ITPK1: variants seen among roughly 807,000 people sequenced by gnomAD.
The protein encoded by ITPK1 is inositol 1,3,4-trisphosphate 5/6-kinase.
In ITPK1, 21 loss-of-function variants were observed where a neutral mutation model predicts 45.3. The observed-to-expected ratio is 0.46, with a 90% CI of 0.33 to 0.67. The LOEUF is 0.67. Ranked by LOEUF, ITPK1 falls within the 30% of genes least tolerant of loss-of-function variation. The probability of loss-of-function intolerance (pLI) is 0.02; values close to 1 mark genes in which losing one functional copy is unlikely to be tolerated. For synonymous variants in ITPK1, 258 were observed against 253.6 expected (o/e 1.02, Z -0.16); for missense variants, 474 against 573.5 (o/e 0.83, Z 1.77).
intron 5 of ITPK1, among the ~76,000 whole-genome samples, chr14:92,969,758 A>G (rs1885556898): frequency 6.6e-6 from 1 of 151,896 alleles, no homozygotes; most frequent in Non-Finnish European, 1.5e-5. Context: ...GAAAAAGGCG[A>G]CTGTTGCTTA....
intron 3 of ITPK1, among the ~76,000 whole-genome samples, chr14:93,027,518 G>A (rs1159321148): frequency 6.6e-6 from 1 of 152,132 alleles, no homozygotes; most frequent in East Asian, 1.9e-4. Context: ...CATCCACACA[G>A]CTAATGATGA....
intron 2 of ITPK1, among the ~76,000 whole-genome samples, chr14:93,109,330 G>A (rs1265075548): frequency 2.0e-5 from 3 of 152,190 alleles, no homozygotes; most frequent in South Asian, 2.1e-4. Context: ...ACGTGCACGC[G>A]CCCCTGAGTG....
intron 4 of ITPK1, among the ~76,000 whole-genome samples, chr14:93,000,889 T>C (rs1197001542): frequency 6.7e-6 from 1 of 148,642 alleles, no homozygotes; most frequent in East Asian, 2.0e-4. Flanking sequence ...GAGAATCACT[T>C]GAACTTGGGA....
chr14:92,960,696 C>G (rs112181645), intron 7 of ITPK1, among the ~76,000 whole-genome samples: 16 of 152,354 alleles, frequency 1.1e-4, no homozygotes, highest in African/African-American at 3.4e-4. Flanking sequence ...AACACCCAAG[C>G]AACTCACACA....
chr14:92,957,981 G>A (rs3818176), intron 8 of ITPK1, among the ~76,000 whole-genome samples: 15,129 of 152,166 alleles, frequency 0.099, 809 homozygotes, highest in South Asian at 0.22. Flanking sequence ...GGTTCAGGTG[G>A]GTGGGGCCCC....
chr14:93,066,482 G>A (rs1287912893), intron 3 of ITPK1: 7 of 317,904 alleles, frequency 2.2e-5, no homozygotes, highest in Non-Finnish European at 3.7e-5. Flanking sequence ...TCGGCTCACT[G>A]CAAGCTCCGC....
In ITPK1 at chr14:93,019,630, GTGCC is replaced by G. The variant is rs1326193791; in HGVS notation, c.121-2833_121-2830del. On this transcript the variant is annotated intron_variant, in intron 3 of 10. Coordinates refer to ENST00000267615, the MANE Select transcript of ITPK1 (RefSeq NM_014216.6). The stretch of plus-strand genomic sequence containing the variant: ...GGCAGCTCTAGTGGCTCTTCCTCAG[GTGCC>G]TGACATGCCACAACTGCCCTGAAGG... 9.8e-5 allele frequency among the ~76,000 whole-genome samples: 15 copies of G among 152,288 alleles called. No homozygotes were observed. In the East Asian group the frequency reaches 2.7e-3, roughly 27 times the overall value.
At chr14:92,995,916 C>A (rs946836136) in intron 4 of ITPK1, among the ~76,000 whole-genome samples, 2 of 152,254 alleles carry the variant, frequency 1.3e-5, no homozygotes, top group African/African-American at 4.8e-5. Context: ...CAAGCACCTA[C>A]ACCTGATCCC....
At chr14:93,098,611 T>C (rs994979557) in intron 2 of ITPK1, among the ~76,000 whole-genome samples, 3 of 152,058 alleles carry the variant, frequency 2.0e-5, no homozygotes, top group African/African-American at 7.2e-5. Flanking sequence ...CAAACTCATT[T>C]CCCAGAGCCT....
chr14:93,006,990 C>T (rs568081943), intron 4 of ITPK1, among the ~76,000 whole-genome samples: 5 of 152,354 alleles, frequency 3.3e-5, no homozygotes, highest in Admixed American at 2.0e-4. Flanking sequence ...ACAGCACCAT[C>T]ACACTAGTCA....
intron 3 of ITPK1, among the ~76,000 whole-genome samples, chr14:93,058,211 G>A (rs1408325795): frequency 2.6e-5 from 4 of 151,624 alleles, no homozygotes; most frequent in Non-Finnish European, 5.9e-5. Flanking sequence ...TGACAGAAAT[G>A]AGCCATGGGG....
chr14:92,976,773 A>G (rs112690929), intron 5 of ITPK1, among the ~76,000 whole-genome samples: 2,521 of 152,370 alleles, frequency 0.017, 83 homozygotes, highest in African/African-American at 0.058. Flanking sequence ...AGTTGGTTGC[A>G]CGTTCAAGAT....
At position 92,940,894 on chromosome 14, in the gene ITPK1, G is replaced by A. The variant is rs1887340219; in HGVS notation, c.*667C>T. 2 of 1,288,186 alleles carry A rather than the reference G, an allele frequency of 1.6e-6. No individual in the cohort carries two copies. Among genetic ancestry groups the A allele is most frequent in the African/African-American group, 1.5e-5 (1 of 65,836 alleles). The allele number at this position is 1,288,186 out of a possible 1,614,324, so 79.8% of individuals were successfully genotyped here. A position where few individuals can be genotyped will look rare whatever the true frequency, so the allele number is the denominator to read the frequency against. ...TGCAGGGCTAAATGGGACGTGTGTT[G>A]GGGGGCCCAGAGGACGCCCAGCTTC... On this transcript the variant is annotated 3_prime_UTR_variant, in exon 11 of 11. Transcript: ENST00000267615.
rs1234183955 is a variant in ITPK1, at chr14:92,972,218, T to A, written c.365-9369A>T. Among the ~76,000 whole-genome samples, 3 of 152,336 alleles carry A rather than the reference T, an allele frequency of 2.0e-5. No individual in the cohort carries two copies. The East Asian group carries it at 5.8e-4, about 29-fold the overall frequency. On this transcript the variant is annotated intron_variant, in intron 5 of 10. Coordinates refer to ENST00000267615, the MANE Select transcript of ITPK1 (RefSeq NM_014216.6). ...AGCCTGACTCTGTACCTTCCTGTGA[T>A]GGGCTGAGCGCTGTTTCCAAGTTGA...
At position 92,939,466 on chromosome 14, in the gene ITPK1, C is replaced by G. The variant is rs559867540; in HGVS notation, c.*2095G>C. 1.9e-5 allele frequency: 3 copies of G among 159,960 alleles called. No homozygotes were observed. Among genetic ancestry groups the G allele is most frequent in the Admixed American group, 6.5e-5 (1 of 15,310 alleles). 9.9% of individuals were successfully genotyped at this position (159,960 alleles called of 1,614,324 possible). A position where few individuals can be genotyped will look rare whatever the true frequency, so the allele number is the denominator to read the frequency against. ...GGCTTCACTGGGCAGAGTCCACCGG[C>G]CCCCCAGCCCTGGGTGTGGCTGGCC... On this transcript the variant is annotated 3_prime_UTR_variant, in exon 11 of 11. Transcript: ENST00000267615.
chr14:93,078,816 A>C (rs781213773), intron 2 of ITPK1, among the ~76,000 whole-genome samples: 23 of 152,138 alleles, frequency 1.5e-4, no homozygotes, highest in Non-Finnish European at 2.8e-4. Context: ...AACTGAAGGA[A>C]GCGTCACTGA....
At chr14:93,033,859 G>A (rs1403559854) in intron 3 of ITPK1, among the ~76,000 whole-genome samples, 1 of 152,144 alleles carries the variant, frequency 6.6e-6, no homozygotes, top group Non-Finnish European at 1.5e-5. Context: ...TAGCTAGGTG[G>A]AGAGGTCTAG....
intron 5 of ITPK1, among the ~76,000 whole-genome samples, chr14:92,975,787 G>A (rs1885910283): frequency 6.6e-6 from 1 of 152,146 alleles, no homozygotes. Flanking sequence ...CTGGTCCTCA[G>A]GCCTTTGGAC....
intron 2 of ITPK1, among the ~76,000 whole-genome samples, chr14:93,089,036 G>C (rs1299811536): frequency 6.6e-6 from 1 of 152,208 alleles, no homozygotes; most frequent in Non-Finnish European, 1.5e-5. Context: ...GGCCCACCGG[G>C]TCTGTTGGGG....
Sources: gnomAD v4.1 joint callset for allele counts (sites outside exome capture counted in the v4.1 genomes callset) on GRCh38, gnomAD v4.1.1 for gene constraint, MANE v1.5 for transcripts, NCBI Gene and HGNC (gene_info 2026-07-23, HGNC 2026-07-21) for gene names.